Variants in NBAS observed in about 807,000 individuals in gnomAD.
NBAS encodes the protein NAG/BC035112 fusion.
In NBAS, 219 loss-of-function variants were observed where a neutral mutation model predicts 302.5. The ratio of observed to expected loss-of-function variants is 0.72; its 90% confidence interval spans 0.65 to 0.81. NBAS has a LOEUF of 0.81. NBAS is among the 30% of genes least tolerant of loss of function. The pLI, the probability that NBAS is intolerant of heterozygous loss-of-function variation, is 0.00. For synonymous variants in NBAS, 1,118 were observed against 1,021.6 expected, an observed-to-expected ratio of 1.09 and a Z score of -1.80; for missense variants, 2,932 against 2,841.6, an observed-to-expected ratio of 1.03 and a Z score of -0.72.
the NBAS span, among the ~76,000 whole-genome samples, chr2:14,904,998 G>A: frequency 2.5e-3 from 375 of 152,256 alleles, 1 homozygote; most frequent in African/African-American, 4.8e-3. Flanking sequence ...GCAGTGAGCC[G>A]GTCGCACCAC....
At chr2:15,249,944 A>G (rs1476007928) in intron 44 of NBAS, among the ~76,000 whole-genome samples, 1 of 152,236 alleles carries the variant, frequency 6.6e-6, no homozygotes, top group African/African-American at 2.4e-5. Context: ...CTTTCTTCAC[A>G]GAAGTGGAAA....
intron 47 of NBAS, among the ~76,000 whole-genome samples, chr2:15,222,341 C>T (rs1370525444): frequency 6.6e-6 from 1 of 152,084 alleles, no homozygotes; most frequent in Non-Finnish European, 1.5e-5. Context: ...GACTATAAGT[C>T]CTAACCAGTT....
At chr2:15,123,094 C>T in the NBAS span, among the ~76,000 whole-genome samples, 1 of 152,150 alleles carries the variant, frequency 6.6e-6, no homozygotes, top group South Asian at 2.1e-4. Context: ...GGTGCCCCAC[C>T]CCGAGGTAGC....
chr2:14,906,049 G>A, the NBAS span, among the ~76,000 whole-genome samples: 4 of 152,208 alleles, frequency 2.6e-5, no homozygotes, highest in African/African-American at 4.8e-5. Flanking sequence ...TTCCCACTCC[G>A]TAATTCAATT....
At chr2:15,202,514 T>C (rs200915757) in intron 48 of NBAS, among the ~76,000 whole-genome samples, 1 of 101,272 alleles carries the variant, frequency 9.9e-6, no homozygotes, top group Non-Finnish European at 1.7e-5. Flanking sequence ...ATACGTGTGT[T>C]TGTTTGTTTA....
the NBAS span, among the ~76,000 whole-genome samples, chr2:14,947,214 C>A: frequency 6.6e-6 from 1 of 151,388 alleles, no homozygotes; most frequent in Non-Finnish European, 1.5e-5. Context: ...TACAGTAGAT[C>A]AACAAAACAA....
intron 44 of NBAS, among the ~76,000 whole-genome samples, chr2:15,274,945 G>GT (rs1669500888): frequency 6.8e-6 from 1 of 147,580 alleles, no homozygotes. Context: ...TTTTTTTTTT[G>GT]GTTTTTTTTT....
In NBAS at chr2:15,452,366, C is replaced by T. The variant is rs185178292; in HGVS notation, c.2339+8835G>A. Among the ~76,000 whole-genome samples the T allele has an allele frequency of 4.9e-3, 751 of 152,084 alleles. 8 individuals carry two copies. The highest frequency in any genetic ancestry group is 0.017 in the African/African-American group (726 of 41,494). On this transcript the variant is annotated intron_variant, in intron 21 of 51. Transcript: ENST00000281513. ...ATCCCAGCACTTTGGGAGGCCGAGG[C>T]GGGTGGATCTCAAGGTCAGGAGATC...
chr2:14,948,397 A>G, the NBAS span, among the ~76,000 whole-genome samples: 3 of 152,154 alleles, frequency 2.0e-5, no homozygotes, highest in Non-Finnish European at 4.4e-5. Flanking sequence ...TAAATCCAGT[A>G]AAGTTGCAAG....
the NBAS span, among the ~76,000 whole-genome samples, chr2:14,970,263 C>T: frequency 6.6e-6 from 1 of 152,114 alleles, no homozygotes; most frequent in East Asian, 1.9e-4. Context: ...TTATAAAAAA[C>T]AACTAGAACT....
At chr2:15,101,228 T>A in the NBAS span, among the ~76,000 whole-genome samples, 1 of 152,148 alleles carries the variant, frequency 6.6e-6, no homozygotes, top group Admixed American at 6.6e-5. Context: ...AGTAAAATTT[T>A]AAAACTAATG....
At chr2:15,559,233 A>T (rs1664795496) in intron 1 of NBAS, among the ~76,000 whole-genome samples, 1 of 152,162 alleles carries the variant, frequency 6.6e-6, no homozygotes, top group South Asian at 2.1e-4. Flanking sequence ...AAGAGAAGTC[A>T]AGGCCAAAGA....
At chr2:14,961,206 G>A in the NBAS span, among the ~76,000 whole-genome samples, 1 of 152,118 alleles carries the variant, frequency 6.6e-6, no homozygotes, top group African/African-American at 2.4e-5. Context: ...TTAGAGAAAT[G>A]GGAGTGAGAA....
At chr2:15,046,708 G>A in the NBAS span, among the ~76,000 whole-genome samples, 14 of 152,134 alleles carry the variant, frequency 9.2e-5, no homozygotes, top group Non-Finnish European at 1.6e-4. Flanking sequence ...TGCAGGCAGC[G>A]GGGAAAAAGA....
the NBAS span, among the ~76,000 whole-genome samples, chr2:14,885,206 A>T: frequency 1.3e-5 from 2 of 152,350 alleles, no homozygotes; most frequent in South Asian, 4.1e-4. Context: ...CCAGAAAATT[A>T]GTTGTTTAGG....
chr2:14,950,465 A>G, the NBAS span, among the ~76,000 whole-genome samples: 1 of 152,246 alleles, frequency 6.6e-6, no homozygotes, highest in African/African-American at 2.4e-5. Flanking sequence ...GGATATCTCA[A>G]GTATACTAAT....
At chr2:15,513,262 C>T (rs1572952238) in intron 9 of NBAS, among the ~76,000 whole-genome samples, 1 of 152,318 alleles carries the variant, frequency 6.6e-6, no homozygotes, top group Non-Finnish European at 1.5e-5. Context: ...GAGACGATGC[C>T]TTGAAGCAAC....
chr2:15,046,637 G>C, the NBAS span, among the ~76,000 whole-genome samples: 4 of 152,290 alleles, frequency 2.6e-5, no homozygotes, highest in Non-Finnish European at 4.4e-5. Context: ...TTAATACTAA[G>C]AGTGGTTTTA....
chr2:15,098,292 A>ATACTATATTATATATCATATATTG, the NBAS span, among the ~76,000 whole-genome samples: 9 of 2,796 alleles, frequency 3.2e-3, 2 homozygotes, highest in Non-Finnish European at 5.1e-3. Context: ...AATATATATT[A>ATACTATATTATATATCATATATTG]TATACAATAT....
Sources: gnomAD v4.1 joint callset for allele counts (sites outside exome capture counted in the v4.1 genomes callset) on GRCh38, gnomAD v4.1.1 for gene constraint, MANE v1.5 for transcripts, NCBI Gene and HGNC (gene_info 2026-07-23, HGNC 2026-07-21) for gene names.